The following CADM2 variants were observed in gnomAD, a reference collection of about 807,000 sequenced individuals.
CADM2 encodes cell adhesion molecule 2, also known as immunoglobulin superfamily member 4D.
Under a neutral mutation model 49.8 loss-of-function variants are expected in CADM2, and 12 were observed. The observed-to-expected ratio is 0.24, with a 90% CI of 0.15 to 0.39. The LOEUF (loss-of-function observed/expected upper bound fraction) is 0.39, where lower values mean the gene tolerates loss of function less well. Ranked by LOEUF, CADM2 falls within the 10% of genes least tolerant of loss-of-function variation. The probability of loss-of-function intolerance (pLI) is 1.00; values close to 1 mark genes in which losing one functional copy is unlikely to be tolerated. For missense variants in CADM2, 378 were observed against 492.3 expected, an observed-to-expected ratio of 0.77 and a Z score of 2.20; for synonymous variants, 214 against 175.4, an observed-to-expected ratio of 1.22 and a Z score of -1.74.
chr3:85,508,880 G>A (rs529867534), intron 1 of CADM2, among the ~76,000 whole-genome samples: 8 of 151,570 alleles, frequency 5.3e-5, no homozygotes, highest in South Asian at 4.2e-4. Context: ...GGGTGTACAC[G>A]CCCATGTTTA....
At chr3:86,012,616 G>T (rs1731678176) in intron 8 of CADM2, 6 of 1,583,106 alleles carry the variant, frequency 3.8e-6, no homozygotes, top group Non-Finnish European at 2.6e-6. Flanking sequence ...AGTCCGACCT[G>T]GCCTTCTTCA....
rs199640940 is a variant in CADM2 at position 85,559,685 on chromosome 3, C to CACAT, written c.62-166835_62-166832dup. ...ACACACACACACACACACACACACA[C>CACAT]ACATATATATATATCACTTTTTAAA... On this transcript the variant is annotated intron_variant, in intron 1 of 9. Coordinates refer to ENST00000383699, the MANE Select transcript of CADM2 (RefSeq NM_001167675.2). 7.4e-3 allele frequency among the ~76,000 whole-genome samples: 1,111 copies of CACAT among 150,932 alleles called. 35 individuals are homozygous for CACAT. The highest frequency in any genetic ancestry group is 0.025 in the African/African-American group (1,022 of 40,962).
rs954896697 is a variant in CADM2, at chr3:85,632,670, C to G, written c.62-93852C>G. On this transcript the variant is annotated intron_variant, in intron 1 of 9. Coordinates refer to ENST00000383699, the MANE Select transcript of CADM2 (RefSeq NM_001167675.2). Reference sequence around the variant, plus strand: ...TTGGAGATTCCCATGAGGTAAATGTCTTGATTTCATTATTCTCATTGTGGT... The same window carrying G: ...TTGGAGATTCCCATGAGGTAAATGTGTTGATTTCATTATTCTCATTGTGGT... 7.2e-5 allele frequency among the ~76,000 whole-genome samples: 11 copies of G among 151,746 alleles called. 1 individual carries two copies. Among genetic ancestry groups the G allele is most frequent in the Non-Finnish European group, 1.6e-4 (11 of 67,944 alleles).
intron 3 of CADM2, among the ~76,000 whole-genome samples, chr3:85,871,358 C>A (rs1169460124): frequency 6.6e-6 from 1 of 152,050 alleles, no homozygotes; most frequent in Admixed American, 6.5e-5. Flanking sequence ...CTATCATCAG[C>A]CTTATATTTA....
intron 1 of CADM2, among the ~76,000 whole-genome samples, chr3:85,096,213 TA>T (rs2037787926): frequency 6.6e-6 from 1 of 152,154 alleles, no homozygotes; most frequent in African/African-American, 2.4e-5. Flanking sequence ...TTCACATATC[TA>T]AAAAAGTATT....
chr3:85,531,682 C>T (rs1242629623), intron 1 of CADM2, among the ~76,000 whole-genome samples: 1 of 152,086 alleles, frequency 6.6e-6, no homozygotes, highest in African/African-American at 2.4e-5. Flanking sequence ...TAGGAAAATA[C>T]ATATCCTTTT....
intron 2 of CADM2, among the ~76,000 whole-genome samples, chr3:85,752,590 T>G (rs959015740): frequency 6.6e-6 from 1 of 152,026 alleles, no homozygotes; most frequent in East Asian, 1.9e-4. Flanking sequence ...AACTTTTGCA[T>G]TGTTACCCAG....
At chr3:85,027,105 T>G (rs1180912076) in intron 1 of CADM2, among the ~76,000 whole-genome samples, 2 of 119,778 alleles carry the variant, frequency 1.7e-5, no homozygotes, top group Non-Finnish European at 3.3e-5. Flanking sequence ...GCTTTTTCTT[T>G]TTCCTTTTTT....
chr3:85,048,331 G>T lies in CADM2; in HGVS notation c.61+88663G>T, dbSNP rs139946394. Reference sequence around the variant, plus strand: ...CAGATGTGTTCAAATTTGAGAGACAGCATAAAGTGACTAAAACTATTCTTA... The same window carrying T: ...CAGATGTGTTCAAATTTGAGAGACATCATAAAGTGACTAAAACTATTCTTA... On this transcript the variant is annotated intron_variant, in intron 1 of 9. Transcript: ENST00000383699. 4.3e-3 allele frequency among the ~76,000 whole-genome samples: 648 copies of T among 152,206 alleles called. 3 individuals are homozygous for T. The highest frequency in any genetic ancestry group is 0.014 in the African/African-American group (574 of 41,544).
At chr3:85,824,872 T>A (rs2073817918) in intron 3 of CADM2, among the ~76,000 whole-genome samples, 1 of 152,018 alleles carries the variant, frequency 6.6e-6, no homozygotes, top group Admixed American at 6.6e-5. Context: ...AAATTTATAT[T>A]GGCAATAAAC....
At chr3:85,881,375 C>T (rs1712744548) in intron 3 of CADM2, among the ~76,000 whole-genome samples, 1 of 151,998 alleles carries the variant, frequency 6.6e-6, no homozygotes, top group Admixed American at 6.6e-5. Flanking sequence ...ATATTTGATT[C>T]ATCTCAGTAT....
At chr3:85,083,334 A>G (rs1175706708) in intron 1 of CADM2, among the ~76,000 whole-genome samples, 1 of 152,172 alleles carries the variant, frequency 6.6e-6, no homozygotes, top group African/African-American at 2.4e-5. Flanking sequence ...CTCTGCCTTC[A>G]GGGAAATTCT....
At chr3:85,688,843 C>T (rs1003011561) in intron 1 of CADM2, among the ~76,000 whole-genome samples, 6 of 152,160 alleles carry the variant, frequency 3.9e-5, no homozygotes, top group African/African-American at 1.2e-4. Flanking sequence ...GCCAGGATTA[C>T]AGGCATAAGC....
chr3:85,321,763 C>A (rs774175968), intron 1 of CADM2, among the ~76,000 whole-genome samples: 16 of 151,984 alleles, frequency 1.1e-4, no homozygotes, highest in Non-Finnish European at 1.9e-4. Flanking sequence ...GAAAAGAAGC[C>A]TAAGGAGATA....
At position 85,237,729 on chromosome 3, in the gene CADM2, G is replaced by A. The variant is rs1228450288; in HGVS notation, c.61+278061G>A. On this transcript the variant is annotated intron_variant, in intron 1 of 9. Transcript: ENST00000383699. ...TCTTAAAATATAAAGTTGTCTTCAAGTATCAAGGCATCAAGTTTTATACTT... is the reference window on the plus strand; with the variant it reads ...TCTTAAAATATAAAGTTGTCTTCAAATATCAAGGCATCAAGTTTTATACTT... Among the ~76,000 whole-genome samples, 4 of 151,620 alleles carry A rather than the reference G, an allele frequency of 2.6e-5. No individual in the cohort carries two copies. In the East Asian group the frequency reaches 7.7e-4, roughly 29 times the overall value.
intron 1 of CADM2, among the ~76,000 whole-genome samples, chr3:85,171,095 C>T (rs2040613779): frequency 6.6e-6 from 1 of 152,062 alleles, no homozygotes; most frequent in Non-Finnish European, 1.5e-5. Context: ...GTACATGAGG[C>T]ATATAGAAAA....
intron 1 of CADM2, among the ~76,000 whole-genome samples, chr3:85,248,775 C>T (rs2042709606): frequency 6.6e-6 from 1 of 152,092 alleles, no homozygotes. Context: ...AGTAAGACTA[C>T]TTACAGTCTA....
At chr3:85,552,188 C>G (rs2061820891) in intron 1 of CADM2, among the ~76,000 whole-genome samples, 1 of 151,988 alleles carries the variant, frequency 6.6e-6, no homozygotes, top group Non-Finnish European at 1.5e-5. Flanking sequence ...GCTGATAGAA[C>G]TGAAGCCTAA....
intron 1 of CADM2, among the ~76,000 whole-genome samples, chr3:85,505,097 C>T (rs1004388934): frequency 6.6e-6 from 1 of 152,136 alleles, no homozygotes; most frequent in African/African-American, 2.4e-5. Context: ...CCGGCTCCGG[C>T]CTTGGCCAGC....
Sources: allele counts gnomAD v4.1 joint callset (sites outside exome capture counted in the v4.1 genomes callset), GRCh38; gene constraint gnomAD v4.1.1; transcripts MANE v1.5; gene names NCBI Gene and HGNC (gene_info 2026-07-23, HGNC 2026-07-21).